MYRIP: variants seen among roughly 807,000 people sequenced by gnomAD.
MYRIP encodes the protein myosin VIIA and Rab interacting protein, also known as rab effector MyRIP.
In MYRIP, 49 loss-of-function variants were observed where a neutral mutation model predicts 98.0. That is an observed-to-expected ratio of 0.50 (90% CI 0.40 to 0.63). MYRIP has a LOEUF of 0.63. MYRIP is among the 30% of genes least tolerant of loss of function. The pLI is 0.00. For missense variants in MYRIP, 1,004 were observed against 1,058.2 expected (o/e 0.95, Z 0.71); for synonymous variants, 404 against 409.5 (o/e 0.99, Z 0.16).
intron 11 of MYRIP, among the ~76,000 whole-genome samples, chr3:40,224,686 T>C (rs539221274): frequency 1.3e-5 from 2 of 152,324 alleles, no homozygotes; most frequent in South Asian, 2.1e-4. Flanking sequence ...TTAGTCACCA[T>C]GAAAAAAGGA....
chr3:40,084,781 T>C lies in MYRIP; in HGVS notation c.332+40510T>C, dbSNP rs1244126028. On this transcript the variant is annotated intron_variant, in intron 3 of 16. Transcript: ENST00000302541. ...TACATGTCGATAGATAATATATATG[T>C]GTTACATGTCGATAGATAATATATA... Among the ~76,000 whole-genome samples the C allele has an allele frequency of 4.4e-3, 383 of 86,648 alleles. 60 individuals carry two copies. Among genetic ancestry groups the C allele is most frequent in the African/African-American group, 0.014 (360 of 24,964 alleles). The allele number at this position is 86,648 out of a possible 152,430, so 56.8% of individuals were successfully genotyped here.
chr3:40,144,959 CTA>C (rs1228089544), intron 3 of MYRIP, among the ~76,000 whole-genome samples: 2 of 152,142 alleles, frequency 1.3e-5, no homozygotes, highest in African/African-American at 4.8e-5. Flanking sequence ...ATTTATGCAT[CTA>C]TGAAAGAGAG....
intron 1 of MYRIP, among the ~76,000 whole-genome samples, chr3:39,810,266 C>T (rs769128775): frequency 1.1e-4 from 16 of 152,188 alleles, no homozygotes; most frequent in Admixed American, 2.6e-4. Context: ...TACTGTGCTG[C>T]GGGCGCACCG....
chr3:39,981,828 G>A (rs949865132), intron 2 of MYRIP, among the ~76,000 whole-genome samples: 6 of 152,110 alleles, frequency 3.9e-5, no homozygotes, highest in Non-Finnish European at 8.8e-5. Flanking sequence ...TGTTTGTGGA[G>A]GGCCCACTAT....
intron 3 of MYRIP, among the ~76,000 whole-genome samples, chr3:40,059,539 A>T: frequency 6.6e-6 from 1 of 151,978 alleles, no homozygotes; most frequent in South Asian, 2.1e-4. Flanking sequence ...ACCATTGATG[A>T]TGAGCTTTTT....
At position 40,210,040 on chromosome 3, in the gene MYRIP, G is replaced by C. The variant is rs1411590438; in HGVS notation, c.1852G>C (p.Glu618Gln). The C allele has an allele frequency of 2.5e-6, 4 of 1,614,112 alleles. No homozygotes were observed. The South Asian group carries it at 3.3e-5, about 13-fold the overall frequency. ...CAAGACAGAATCTGAGAACCAGAAG[G>C]AAAGTCTGTCCTCTGAAGACAACAG... is the stretch of plus-strand genomic sequence containing the variant. Reference protein sequence around the residue: ...EPKTESENQKESLSSEDNSQS... With the variant: ...EPKTESENQKQSLSSEDNSQS... The change falls in exon 11 of 17, where the codon GAA (glutamate) becomes CAA (glutamine). Residue 618 changes from glutamate to glutamine, a missense_variant. This residue lies in a region of MYRIP where 880 missense variants were observed against 907.7 expected (regional missense o/e 0.97). Coordinates refer to ENST00000302541, the MANE Select transcript of MYRIP (RefSeq NM_015460.4).
At chr3:40,171,183 A>C (rs1415944917) in intron 8 of MYRIP, among the ~76,000 whole-genome samples, 1 of 151,984 alleles carries the variant, frequency 6.6e-6, no homozygotes, top group Non-Finnish European at 1.5e-5. Flanking sequence ...CGCCATGCCC[A>C]CCGTCCAGAG....
intron 2 of MYRIP, among the ~76,000 whole-genome samples, chr3:39,976,342 G>A (rs930110165): frequency 1.1e-4 from 16 of 152,168 alleles, no homozygotes; most frequent in African/African-American, 3.9e-4. Flanking sequence ...AAACCACAAT[G>A]AGAGACCATC....
At chr3:39,946,043 A>C (rs775667678) in intron 2 of MYRIP, among the ~76,000 whole-genome samples, 32 of 152,226 alleles carry the variant, frequency 2.1e-4, no homozygotes, top group Non-Finnish European at 3.8e-4. Flanking sequence ...TTACTTCTGA[A>C]TAACCAAAAA....
chr3:39,985,449 A>AG (rs1330718745), intron 2 of MYRIP, among the ~76,000 whole-genome samples: 2 of 119,586 alleles, frequency 1.7e-5, no homozygotes, highest in Admixed American at 9.2e-5. Context: ...CAGAATTGGA[A>AG]AAAACTACTT....
At chr3:40,002,848 A>G (rs77872962) in intron 2 of MYRIP, among the ~76,000 whole-genome samples, 48 of 152,136 alleles carry the variant, frequency 3.2e-4, no homozygotes, top group Non-Finnish European at 6.2e-4. Flanking sequence ...CACTCACACA[A>G]TCTTTATACA....
intron 1 of MYRIP, among the ~76,000 whole-genome samples, chr3:39,811,173 C>T (rs188071735): frequency 6.6e-6 from 1 of 152,224 alleles, no homozygotes; most frequent in East Asian, 1.9e-4. Context: ...ATCACCTTGT[C>T]CCTTCAACTC....
chr3:40,211,531 G>A (rs1418264113), intron 11 of MYRIP, among the ~76,000 whole-genome samples: 3 of 152,118 alleles, frequency 2.0e-5, no homozygotes, highest in African/African-American at 7.2e-5. Flanking sequence ...TGTTCTCCAC[G>A]AGGAGCCCCT....
At chr3:40,054,058 C>G (rs995863797) in intron 3 of MYRIP, among the ~76,000 whole-genome samples, 1 of 152,106 alleles carries the variant, frequency 6.6e-6, no homozygotes, top group African/African-American at 2.4e-5. Flanking sequence ...TTACCTGAGG[C>G]CTTTCAGCTC....
At chr3:40,177,687 A>G (rs1189302521) in intron 8 of MYRIP, among the ~76,000 whole-genome samples, 1 of 152,194 alleles carries the variant, frequency 6.6e-6, no homozygotes, top group Non-Finnish European at 1.5e-5. Context: ...GCAATATCCT[A>G]GAAGGCACCA....
chr3:39,885,247 C>T (rs965191179), intron 1 of MYRIP, among the ~76,000 whole-genome samples: 1 of 151,684 alleles, frequency 6.6e-6, no homozygotes, highest in African/African-American at 2.4e-5. Context: ...TAAAAAAACT[C>T]CAGTTGTTGA....
intron 1 of MYRIP, among the ~76,000 whole-genome samples, chr3:39,853,098 A>G (rs1942186770): frequency 6.6e-6 from 1 of 151,946 alleles, no homozygotes; most frequent in Non-Finnish European, 1.5e-5. Context: ...ATTCTTTTTT[A>G]TGGTTGAGAA....
chr3:39,885,012 A>G (rs912361015), intron 1 of MYRIP, among the ~76,000 whole-genome samples: 3 of 146,130 alleles, frequency 2.1e-5, no homozygotes, highest in African/African-American at 7.6e-5. Flanking sequence ...TCCTAATAGC[A>G]ATGTATGAAA....
chr3:40,147,843 G>A (rs1279579712), intron 3 of MYRIP, among the ~76,000 whole-genome samples: 2 of 152,140 alleles, frequency 1.3e-5, no homozygotes, highest in Admixed American at 1.3e-4. Flanking sequence ...CATTTGGGCT[G>A]CCTACCTTCC....
Sources: allele counts gnomAD v4.1 joint callset (sites outside exome capture counted in the v4.1 genomes callset), GRCh38; gene constraint gnomAD v4.1.1; regional missense constraint gnomAD v4.1.1; transcripts MANE v1.5; gene names NCBI Gene and HGNC (gene_info 2026-07-23, HGNC 2026-07-21).